The following CYP2C19 variants were observed in gnomAD, a reference collection of about 807,000 sequenced individuals.
CYP2C19 encodes cytochrome P450 family 2 subfamily C member 19.
A neutral mutation model predicts 40.9 loss-of-function variants in CYP2C19; 59 were observed. The ratio of observed to expected loss-of-function variants is 1.44; its 90% confidence interval spans 1.17 to 1.79. CYP2C19 has a LOEUF of 1.79. Ranked by LOEUF, CYP2C19 falls within the 40% of genes most tolerant of loss-of-function variation. The pLI is 0.00. For missense variants in CYP2C19, 754 were observed against 596.9 expected (o/e 1.26, Z -2.74); for synonymous variants, 253 against 208.7 (o/e 1.21, Z -1.83).
chr10:94,779,326 C>A, intron 3 of CYP2C19, among the ~76,000 whole-genome samples: 1 of 151,978 alleles, frequency 6.6e-6, no homozygotes, highest in East Asian at 1.9e-4. Flanking sequence ...TTGATTACAA[C>A]AACTTTATTT....
intron 5 of CYP2C19, among the ~76,000 whole-genome samples, chr10:94,789,045 G>A (rs1482770866): frequency 6.6e-6 from 1 of 152,076 alleles, no homozygotes; most frequent in Admixed American, 6.6e-5. Context: ...ATTCTAACTG[G>A]CATGTGATGG....
chr10:94,821,869 G>T (rs1849127897), intron 6 of CYP2C19, among the ~76,000 whole-genome samples: 1 of 151,836 alleles, frequency 6.6e-6, no homozygotes, highest in African/African-American at 2.4e-5. Flanking sequence ...GAGTCTCGGG[G>T]TCCCAACTAT....
At chr10:94,791,599 A>T (rs1438244922) in intron 5 of CYP2C19, among the ~76,000 whole-genome samples, 1 of 152,116 alleles carries the variant, frequency 6.6e-6, no homozygotes, top group African/African-American at 2.4e-5. Context: ...GAACATCTTT[A>T]TTTCTGACTT....
intron 5 of CYP2C19, among the ~76,000 whole-genome samples, chr10:94,798,279 G>T (rs750771978): frequency 4.6e-5 from 7 of 152,126 alleles, no homozygotes; most frequent in Admixed American, 1.3e-4. Flanking sequence ...AGGTTGTTCA[G>T]TTTCCAAGGG....
chr10:94,810,092 G>T (rs532144827), intron 5 of CYP2C19, among the ~76,000 whole-genome samples: 1 of 152,224 alleles, frequency 6.6e-6, no homozygotes, highest in Admixed American at 6.5e-5. Flanking sequence ...ATGTTGGCCA[G>T]GCTGGTCTCA....
chr10:94,824,663 T>C (rs1849185024), intron 6 of CYP2C19, among the ~76,000 whole-genome samples: 1 of 152,202 alleles, frequency 6.6e-6, no homozygotes, highest in Admixed American at 6.5e-5. Context: ...ACATTTCATT[T>C]TTTTAATTAT....
At position 94,853,761 on chromosome 10, in the gene CYP2C19, T is replaced by A. The variant is rs1849692043; in HGVS notation, c.*847T>A. ...CAGGGTTTCACCATGTTAGCCAGGATGATCTCAATCTGCTGACCTCCTGAT... is the reference window on the plus strand; with the variant it reads ...CAGGGTTTCACCATGTTAGCCAGGAAGATCTCAATCTGCTGACCTCCTGAT... On this transcript the variant is annotated 3_prime_UTR_variant, in exon 9 of 9. Coordinates refer to ENST00000371321, the MANE Select transcript of CYP2C19 (RefSeq NM_000769.4). 6.6e-6 allele frequency among the ~76,000 whole-genome samples: 1 copy of A among 152,008 alleles called. No individual in the cohort carries two copies.
chr10:94,847,571 A>C (rs1849592165), intron 7 of CYP2C19, among the ~76,000 whole-genome samples: 1 of 152,180 alleles, frequency 6.6e-6, no homozygotes, highest in Admixed American at 6.5e-5. Flanking sequence ...AGCATGATTT[A>C]TAATCCTTTG....
chr10:94,845,143 T>G (rs1051781250), intron 7 of CYP2C19, among the ~76,000 whole-genome samples: 1 of 152,186 alleles, frequency 6.6e-6, no homozygotes, highest in Non-Finnish European at 1.5e-5. Flanking sequence ...CTGGATCCAC[T>G]TATCTAGGTG....
At chr10:94,840,145 G>A (rs926694444) in intron 6 of CYP2C19, among the ~76,000 whole-genome samples, 2 of 151,942 alleles carry the variant, frequency 1.3e-5, no homozygotes, top group Non-Finnish European at 2.9e-5. Flanking sequence ...GATTTAATAC[G>A]CCTTTATTTA....
intron 5 of CYP2C19, 123 bp from the exon 6 acceptor site, chr10:94,820,373 T>C (rs1201361577): frequency 2.7e-6 from 3 of 1,129,370 alleles, no homozygotes; most frequent in East Asian, 5.0e-5. Context: ...TCAATATTTT[T>C]TTCTAGTACT....
At chr10:94,833,509 T>A (rs1362943527) in intron 6 of CYP2C19, among the ~76,000 whole-genome samples, 1 of 152,186 alleles carries the variant, frequency 6.6e-6, no homozygotes, top group Non-Finnish European at 1.5e-5. Context: ...TGCAGGTTAG[T>A]TACATATGTA....
At chr10:94,836,184 G>A (rs1460312803) in intron 6 of CYP2C19, among the ~76,000 whole-genome samples, 1 of 152,196 alleles carries the variant, frequency 6.6e-6, no homozygotes, top group Admixed American at 6.5e-5. Context: ...CTTTAGCAGT[G>A]AGTATGCCAT....
At chr10:94,824,712 T>A (rs2134271904) in intron 6 of CYP2C19, among the ~76,000 whole-genome samples, 1 of 152,136 alleles carries the variant, frequency 6.6e-6, no homozygotes, top group Admixed American at 6.5e-5. Context: ...TTGTGCAGGT[T>A]AGTTACATAT....
In CYP2C19 at chr10:94,781,826, C is replaced by A. The variant is rs576823729; in HGVS notation, c.648C>A (p.Cys216Ter). 1.4e-6 allele frequency: 2 copies of A among 1,421,004 alleles called. No individual in the cohort carries two copies. Among genetic ancestry groups the A allele is most frequent in the Non-Finnish European group, 1.9e-6 (2 of 1,079,066 alleles). 88.0% of individuals were successfully genotyped at this position (1,421,004 alleles called of 1,614,324 possible). A position where few individuals can be genotyped will look rare whatever the true frequency, so the allele number is the denominator to read the frequency against. Residue 216 changes from cysteine to a stop codon, truncating the protein, a stop_gained, in exon 5 of 9, where the codon TGC becomes TGA. Transcript: ENST00000371321. LOFTEE classifies it high-confidence loss of function. Reference sequence around the variant, plus strand: ...AAATTATTGTTTTCTCTTAGATATGCAATAATTTTCCCACTATCATTGATT... The same window carrying A: ...AAATTATTGTTTTCTCTTAGATATGAAATAATTTTCCCACTATCATTGATT... ...RIVSTPWIQICNNFPTIIDYF... is the reference protein window; with the variant it reads ...RIVSTPWIQI
At chr10:94,849,789 G>A (rs1849624539) in intron 7 of CYP2C19, 128 bp from the exon 8 acceptor site, 2 of 1,150,930 alleles carry the variant, frequency 1.7e-6, no homozygotes, top group Non-Finnish European at 2.6e-6. Context: ...TCTGGAAATG[G>A]TACTGCTCTT....
intron 5 of CYP2C19, among the ~76,000 whole-genome samples, chr10:94,814,527 A>G (rs918581193): frequency 4.6e-5 from 7 of 151,386 alleles, no homozygotes; most frequent in African/African-American, 1.7e-4. Context: ...TTTTTGATAG[A>G]TGCATTGTGA....
At chr10:94,792,697 CT>C (rs1848620303) in intron 5 of CYP2C19, among the ~76,000 whole-genome samples, 1 of 152,162 alleles carries the variant, frequency 6.6e-6, no homozygotes, top group Non-Finnish European at 1.5e-5. Flanking sequence ...TCTCTTCTGG[CT>C]TGTAGAGTTT....
At chr10:94,806,174 A>G (rs947098107) in intron 5 of CYP2C19, among the ~76,000 whole-genome samples, 4 of 151,994 alleles carry the variant, frequency 2.6e-5, no homozygotes, top group South Asian at 2.1e-4. Context: ...TGACTGGTTT[A>G]TTTCACTTTG....
Sources: allele counts gnomAD v4.1 joint callset (sites outside exome capture counted in the v4.1 genomes callset), GRCh38; gene constraint gnomAD v4.1.1; transcripts MANE v1.5; gene names NCBI Gene and HGNC (gene_info 2026-07-23, HGNC 2026-07-21).